The following ACVR2B variants were observed in gnomAD, a reference collection of about 807,000 sequenced individuals.
ACVR2B encodes the protein activin A receptor type 2B, also known as activin receptor type-2B.
Under a neutral mutation model 65.1 loss-of-function variants are expected in ACVR2B, and 18 were observed. The observed-to-expected ratio is 0.28, with a 90% CI of 0.19 to 0.41. ACVR2B has a LOEUF of 0.41. ACVR2B is among the 10% of genes least tolerant of loss of function. The pLI is 1.00. For synonymous variants in ACVR2B, 298 were observed against 277.7 expected (o/e 1.07, Z -0.73); for missense variants, 482 against 682.7 (o/e 0.71, Z 3.28).
rs1402323959 is a variant in ACVR2B at position 38,485,023 on chromosome 3, T to TTAAAA, written c.*1693_*1694insAAATA. On this transcript the variant is annotated 3_prime_UTR_variant, in exon 11 of 11. Coordinates refer to ENST00000352511, the MANE Select transcript of ACVR2B (RefSeq NM_001106.4). The stretch of plus-strand genomic sequence containing the variant: ...GGCTGTCTGGGCCAAGTCTGGGCAT[T>TTAAAA]TATCAGTCTTGTTTGTGAAGGCTTT... The TTAAAA allele has an allele frequency of 1.3e-5, 2 of 152,402 alleles. No homozygotes were observed. The highest frequency in any genetic ancestry group is 2.9e-5 in the Non-Finnish European group (2 of 68,034). The allele number at this position is 152,402 out of a possible 1,614,324, so 9.4% of individuals were successfully genotyped here.
chr3:38,474,022 C>G (rs1049955738), intron 1 of ACVR2B: 4 of 152,422 alleles, frequency 2.6e-5, no homozygotes, highest in Non-Finnish European at 4.4e-5. Context: ...GCTGGGATTA[C>G]AGGTGTCCGC....
chr3:38,483,272 C>G lies in ACVR2B; in HGVS notation c.1479C>G (p.Leu493=), dbSNP rs765484914. 1.2e-6 allele frequency: 2 copies of G among 1,614,042 alleles called. No homozygotes were observed. The highest frequency in any genetic ancestry group is 4.5e-5 in the East Asian group (2 of 44,860). Residue 493 remains leucine (L), a synonymous_variant, in exon 11 of 11, where the codon CTC becomes CTG. Coordinates refer to ENST00000352511, the MANE Select transcript of ACVR2B (RefSeq NM_001106.4). The surrounding 1 kb of genome is among the most constrained non-coding windows in gnomAD (Gnocchi z 4.8). ...RSVNGTTSDC[L]VSLVTSVTNV... Reference sequence around the variant, plus strand: ...TCAACGGCACTACCTCGGACTGTCTCGTTTCCCTGGTGACCTCTGTCACCA... The same window carrying G: ...TCAACGGCACTACCTCGGACTGTCTGGTTTCCCTGGTGACCTCTGTCACCA...
At position 38,469,560 on chromosome 3, in the gene ACVR2B, C is replaced by A. The variant is rs188138997; in HGVS notation, c.53-7727C>A. ...TCCCCGAGAATTTATAACCATAGGC[C>A]TATGCTCATGTGAGCTTGGCATTTA... is the stretch of plus-strand genomic sequence containing the variant. On this transcript the variant is annotated intron_variant, in intron 1 of 10. Transcript: ENST00000352511. Among the ~76,000 whole-genome samples the A allele has an allele frequency of 2.0e-5, 3 of 151,708 alleles. No homozygotes were observed. In the East Asian group the frequency reaches 5.8e-4, roughly 29 times the overall value.
rs759622606 is a variant in ACVR2B at position 38,478,360 on chromosome 3, C to G, written c.523-15C>G. On this transcript the variant is annotated splice_polypyrimidine_tract_variant and intron_variant, in intron 4 of 10. Coordinates refer to ENST00000352511, the MANE Select transcript of ACVR2B (RefSeq NM_001106.4). Reference sequence around the variant, plus strand: ...GAGGACAGGCCAGACCTTTTTAAGCCTTGCTCTCCCCCAGGACCCTGGGCC... The same window carrying G: ...GAGGACAGGCCAGACCTTTTTAAGCGTTGCTCTCCCCCAGGACCCTGGGCC... 6.2e-7 allele frequency: 1 copy of G among 1,614,030 alleles called. No individual in the cohort carries two copies. The highest frequency in any genetic ancestry group is 8.5e-7 in the Non-Finnish European group (1 of 1,179,984).
Position 38,477,258 on chromosome 3 carries a change from T to C in ACVR2B, c.53-29T>C. The C allele has an allele frequency of 1.2e-6, 2 of 1,612,886 alleles. No homozygotes were observed. On this transcript the variant is annotated intron_variant, in intron 1 of 10. Coordinates refer to ENST00000352511, the MANE Select transcript of ACVR2B (RefSeq NM_001106.4). The surrounding 1 kb of genome is among the most constrained non-coding windows in gnomAD (Gnocchi z 6.7). ...TTGGGTGGTGGTCCCAGGGGCATGC[T>C]CAGTGGTTCTCTTTTCTCTGGGGCA...
intron 1 of ACVR2B, among the ~76,000 whole-genome samples, chr3:38,472,919 C>T (rs1425194601): frequency 6.6e-6 from 1 of 152,122 alleles, no homozygotes; most frequent in Non-Finnish European, 1.5e-5. Context: ...ACGAACCTCC[C>T]AGTATTTGAC....
chr3:38,476,784 T>C, intron 1 of ACVR2B: 1 of 203,730 alleles, frequency 4.9e-6, no homozygotes, highest in Non-Finnish European at 1.0e-5. Flanking sequence ...TTGGGATGGG[T>C]CTGGATTGGG....
chr3:38,467,175 C>T (rs973774635), intron 1 of ACVR2B, among the ~76,000 whole-genome samples: 14 of 152,102 alleles, frequency 9.2e-5, no homozygotes, highest in African/African-American at 1.4e-4. Flanking sequence ...GGGCTGGGTG[C>T]GGTGGCTCAC....
chr3:38,478,009 G>A (rs527371855), intron 3 of ACVR2B, 39 bp downstream of exon 3: 60 of 1,609,052 alleles, frequency 3.7e-5, no homozygotes, highest in Non-Finnish European at 4.6e-5. Context: ...TGAGTCAGCC[G>A]ACCTGGGCTT....
intron 1 of ACVR2B, among the ~76,000 whole-genome samples, chr3:38,471,207 AT>A (rs1575583703): frequency 6.6e-6 from 1 of 152,246 alleles, no homozygotes; most frequent in Non-Finnish European, 1.5e-5. Context: ...ATATAAAATA[AT>A]TTCTGTAACT....
intron 1 of ACVR2B, among the ~76,000 whole-genome samples, chr3:38,468,483 G>C (rs572951970): frequency 6.6e-6 from 1 of 152,264 alleles, no homozygotes; most frequent in South Asian, 2.1e-4. Context: ...TGTCGAAGAG[G>C]CTCTCTGTTC....
chr3:38,483,286 C>T lies in ACVR2B; in HGVS notation c.1493C>T (p.Thr498Ile). The change falls in exon 11 of 11, where the codon ACC (threonine) becomes ATC (isoleucine). Residue 498 changes from threonine (T) to isoleucine (I), a missense_variant. Around this residue, in one of 5 missense-constraint regions of ACVR2B, gnomAD observed 38 missense variants for 29.3 expected, o/e 1.30. Coordinates refer to ENST00000352511, the MANE Select transcript of ACVR2B (RefSeq NM_001106.4). The surrounding 1 kb of genome is among the most constrained non-coding windows in gnomAD (Gnocchi z 4.8). ...TCGGACTGTCTCGTTTCCCTGGTGA[C>T]CTCTGTCACCAATGTGGACCTGCCC... ...TTSDCLVSLV[T>I]SVTNVDLPPK... 6.2e-7 allele frequency: 1 copy of T among 1,614,028 alleles called. No homozygotes were observed. Among genetic ancestry groups the T allele is most frequent in the Non-Finnish European group, 8.5e-7 (1 of 1,179,998 alleles).
At chr3:38,471,853 C>G (rs1233652193) in intron 1 of ACVR2B, among the ~76,000 whole-genome samples, 1 of 152,140 alleles carries the variant, frequency 6.6e-6, no homozygotes, top group East Asian at 1.9e-4. Context: ...AGAATAGGAC[C>G]TGGGATGTAG....
chr3:38,459,411 G>A (rs543833233), intron 1 of ACVR2B, among the ~76,000 whole-genome samples: 2 of 152,346 alleles, frequency 1.3e-5, no homozygotes, highest in South Asian at 2.1e-4. Context: ...CTTAAGGCTG[G>A]CACTCAGCCT....
chr3:38,484,437 C>G lies in ACVR2B; in HGVS notation c.*1105C>G, dbSNP rs1026038342. 1.3e-5 allele frequency: 2 copies of G among 152,300 alleles called. No homozygotes were observed. The highest frequency in any genetic ancestry group is 4.8e-5 in the African/African-American group (2 of 41,468). The allele number at this position is 152,300 out of a possible 1,614,324, so 9.4% of individuals were successfully genotyped here. A position where few individuals can be genotyped will look rare whatever the true frequency, so the allele number is the denominator to read the frequency against. On this transcript the variant is annotated 3_prime_UTR_variant, in exon 11 of 11. Coordinates refer to ENST00000352511, the MANE Select transcript of ACVR2B (RefSeq NM_001106.4). ...GGGTGGAGTCTGCCAAGGCCTGCCT[C>G]GCTGGGGACCCCAGAGTCCTGCACC...
Position 38,482,540 on chromosome 3 carries a change from G to T in ACVR2B, c.1324G>T (p.Asp442Tyr). Residue 442 changes from aspartate to tyrosine, a missense_variant, in exon 10 of 11, where the codon GAT becomes TAT. Coordinates refer to ENST00000352511, the MANE Select transcript of ACVR2B (RefSeq NM_001106.4). ...CAAGAAGATGAGGCCCACCATTAAAGATCACTGGTTGAAACACCCGGTAAG... is the reference window on the plus strand; with the variant it reads ...CAAGAAGATGAGGCCCACCATTAAATATCACTGGTTGAAACACCCGGTAAG... ...VHKKMRPTIK[D>Y]HWLKHPGLAQ... 2 of 1,611,322 alleles carry T rather than the reference G, an allele frequency of 1.2e-6. No homozygotes were observed. Among genetic ancestry groups the T allele is most frequent in the Non-Finnish European group, 1.7e-6 (2 of 1,179,690 alleles).
At chr3:38,459,915 C>T (rs1306254499) in intron 1 of ACVR2B, among the ~76,000 whole-genome samples, 1 of 152,174 alleles carries the variant, frequency 6.6e-6, no homozygotes, top group East Asian at 1.9e-4. Context: ...TTCTACTCCT[C>T]CCCTGGCCTG....
chr3:38,469,834 T>C (rs1223304569), intron 1 of ACVR2B, among the ~76,000 whole-genome samples: 1 of 152,192 alleles, frequency 6.6e-6, no homozygotes, highest in African/African-American at 2.4e-5. Flanking sequence ...GAAGCAGACT[T>C]TCAAGAAGTT....
chr3:38,461,326 C>G (rs567550876), intron 1 of ACVR2B, among the ~76,000 whole-genome samples: 1 of 152,258 alleles, frequency 6.6e-6, no homozygotes, highest in African/African-American at 2.4e-5. Flanking sequence ...TTCCTTCTCA[C>G]TGAGGTTTGA....
Sources: gnomAD v4.1 joint callset for allele counts (sites outside exome capture counted in the v4.1 genomes callset) on GRCh38, gnomAD v4.1.1 for gene constraint, gnomAD v4.1.1 regional missense constraint, Gnocchi (gnomAD v3.1) non-coding constraint, MANE v1.5 for transcripts, NCBI Gene and HGNC (gene_info 2026-07-23, HGNC 2026-07-21) for gene names.